Variants in UBE2L3 observed in about 807,000 individuals in gnomAD.
UBE2L3 encodes the protein ubiquitin conjugating enzyme E2 L3.
A neutral mutation model predicts 17.8 loss-of-function variants in UBE2L3; 1 was observed. That is an observed-to-expected ratio of 0.06 (90% CI 0.02 to 0.27). The LOEUF (loss-of-function observed/expected upper bound fraction) is 0.27. UBE2L3 is among the 10% of genes least tolerant of loss of function. The pLI, the probability that UBE2L3 is intolerant of heterozygous loss-of-function variation, is 1.00. For synonymous variants in UBE2L3, 44 were observed against 68.5 expected (o/e 0.64, Z 1.76); for missense variants, 40 against 192.6 (o/e 0.21, Z 4.69).
At chr22:21,619,091 ATT>A (rs1929922608) in intron 3 of UBE2L3, among the ~76,000 whole-genome samples, 1 of 152,100 alleles carries the variant, frequency 6.6e-6, no homozygotes, top group Non-Finnish European at 1.5e-5. Context: ...GGAGCCACCT[ATT>A]TGTGCTCTTA....
intron 2 of UBE2L3, among the ~76,000 whole-genome samples, chr22:21,595,917 A>G (rs1046429850): frequency 2.0e-5 from 3 of 151,302 alleles, no homozygotes; most frequent in East Asian, 1.9e-4. Context: ...CTCTGTCGCT[A>G]TGCAGTGGCA....
rs1930105611 is a variant in UBE2L3, at chr22:21,622,754, C to G, written c.*1085C>G. The G allele has an allele frequency of 6.5e-6, 1 of 152,812 alleles. No homozygotes were observed. The highest frequency in any genetic ancestry group is 2.1e-4 in the South Asian group (1 of 4,824). 9.5% of individuals were successfully genotyped at this position (152,812 alleles called of 1,614,324 possible). A position where few individuals can be genotyped will look rare whatever the true frequency, so the allele number is the denominator to read the frequency against. ...CTGGGGTCGCCTGGGCCCCTGCTGA[C>G]CCCCTCCTCCAGAGCAGCCAGCCCA... is the stretch of plus-strand genomic sequence containing the variant. On this transcript the variant is annotated 3_prime_UTR_variant, in exon 4 of 4. Transcript: ENST00000342192.
chr22:21,565,208 TC>T (rs1926584773), upstream of UBE2L3, among the ~76,000 whole-genome samples: 1 of 151,950 alleles, frequency 6.6e-6, no homozygotes, highest in Non-Finnish European at 1.5e-5. Flanking sequence ...TTCTCCTGCC[TC>T]AGCCTCCCGA....
At chr22:21,617,144 T>TAAAAAAA in intron 3 of UBE2L3, among the ~76,000 whole-genome samples, 1 of 110,682 alleles carries the variant, frequency 9.0e-6, no homozygotes, top group African/African-American at 3.4e-5. Context: ...AACTCTGTCT[T>TAAAAAAA]AAAAAAAAAA....
chr22:21,573,168 G>A (rs1002971575), intron 1 of UBE2L3, among the ~76,000 whole-genome samples: 1 of 152,202 alleles, frequency 6.6e-6, no homozygotes, highest in Non-Finnish European at 1.5e-5. Flanking sequence ...GTGGTGTGCA[G>A]TAGAGAAGTG....
intron 2 of UBE2L3, among the ~76,000 whole-genome samples, chr22:21,600,185 C>T (rs975541374): frequency 5.9e-5 from 9 of 151,512 alleles, no homozygotes; most frequent in Non-Finnish European, 1.0e-4. Flanking sequence ...TGGTGGTGGG[C>T]GCCTGTAATC....
rs534476475 is a variant in UBE2L3 at position 21,601,177 on chromosome 22, A to G, written c.123+8221A>G. ...CAGAGCGAGACTCTTTCAAAGAAAA[A>G]TCAATCAATCAATCAATCATACTTA... On this transcript the variant is annotated intron_variant, in intron 2 of 3. Coordinates refer to ENST00000342192, the MANE Select transcript of UBE2L3 (RefSeq NM_003347.4). 2.0e-5 allele frequency among the ~76,000 whole-genome samples: 3 copies of G among 152,192 alleles called. No individual in the cohort carries two copies. In the East Asian group the frequency reaches 5.8e-4, roughly 30 times the overall value.
At chr22:21,600,169 C>T (rs1400719475) in intron 2 of UBE2L3, among the ~76,000 whole-genome samples, 3 of 151,650 alleles carry the variant, frequency 2.0e-5, no homozygotes, top group Admixed American at 6.6e-5. Context: ...AAAAATTAGC[C>T]GGGCCTGGTG....
chr22:21,579,181 G>A (rs1927492204), intron 1 of UBE2L3, among the ~76,000 whole-genome samples: 2 of 151,892 alleles, frequency 1.3e-5, no homozygotes, highest in South Asian at 4.2e-4. Context: ...AGTAGAGACG[G>A]GGGTTTCACC....
At chr22:21,599,017 T>C (rs955763174) in intron 2 of UBE2L3, among the ~76,000 whole-genome samples, 1 of 152,092 alleles carries the variant, frequency 6.6e-6, no homozygotes, top group Admixed American at 6.6e-5. Context: ...TTCTTTTGTA[T>C]TTTTAGTAGA....
chr22:21,559,984 T>C (rs1164971614), intron 1 of UBE2L3, among the ~76,000 whole-genome samples: 8 of 152,296 alleles, frequency 5.3e-5, no homozygotes, highest in Admixed American at 3.3e-4. Context: ...AGGAGGGTAG[T>C]ATGGTGCGAG....
At chr22:21,582,902 A>G (rs1342166207) in intron 1 of UBE2L3, among the ~76,000 whole-genome samples, 2 of 152,136 alleles carry the variant, frequency 1.3e-5, no homozygotes, top group African/African-American at 4.8e-5. Flanking sequence ...AAAGGTACCC[A>G]TCTTGTACTG....
At chr22:21,591,176 G>A (rs1276620061) in intron 1 of UBE2L3, among the ~76,000 whole-genome samples, 6 of 152,168 alleles carry the variant, frequency 3.9e-5, no homozygotes, top group African/African-American at 1.4e-4. Context: ...GGTGGAGAGG[G>A]GCCAGGCCAC....
chr22:21,569,374 C>T lies in UBE2L3; in HGVS notation c.27+1603C>T, dbSNP rs1215759347. Reference sequence around the variant, plus strand: ...TTGCACCACTGCACTCCAGCCAGGGCGACAGAGTGAGACTCCATGTCAAAA... The same window carrying T: ...TTGCACCACTGCACTCCAGCCAGGGTGACAGAGTGAGACTCCATGTCAAAA... On this transcript the variant is annotated intron_variant, in intron 1 of 3. Coordinates refer to ENST00000342192, the MANE Select transcript of UBE2L3 (RefSeq NM_003347.4). Among the ~76,000 whole-genome samples the T allele has an allele frequency of 3.2e-5, 4 of 124,362 alleles. No homozygotes were observed. In the Admixed American group the frequency reaches 4.0e-4, roughly 13 times the overall value. 81.6% of individuals were successfully genotyped at this position (124,362 alleles called of 152,430 possible).
chr22:21,588,853 G>A (rs982588819), intron 1 of UBE2L3, among the ~76,000 whole-genome samples: 12 of 151,794 alleles, frequency 7.9e-5, no homozygotes, highest in Admixed American at 2.0e-4. Flanking sequence ...TAGTAGAGAC[G>A]GGGTTTCACC....
At chr22:21,603,609 T>C (rs1323323092) in intron 2 of UBE2L3, among the ~76,000 whole-genome samples, 1 of 149,398 alleles carries the variant, frequency 6.7e-6, no homozygotes, top group African/African-American at 2.5e-5. Context: ...TTTGGGAGGC[T>C]GAGGCGGGCG....
intron 2 of UBE2L3, among the ~76,000 whole-genome samples, chr22:21,593,934 T>A (rs1017476191): frequency 6.6e-6 from 1 of 152,176 alleles, no homozygotes; most frequent in South Asian, 2.1e-4. Flanking sequence ...CCCTACTACT[T>A]TCGGCATCAT....
intron 3 of UBE2L3, among the ~76,000 whole-genome samples, chr22:21,612,956 C>G (rs1929581074): frequency 6.6e-6 from 1 of 152,086 alleles, no homozygotes; most frequent in African/African-American, 2.4e-5. Context: ...TTTTTCTGTA[C>G]AGATTCCTAG....
intron 1 of UBE2L3, among the ~76,000 whole-genome samples, chr22:21,557,663 C>G (rs1926285027): frequency 6.6e-6 from 1 of 152,198 alleles, no homozygotes; most frequent in South Asian, 2.1e-4. Flanking sequence ...GCTGGGAATA[C>G]AGGTGCCCGC....
Sources: gnomAD v4.1 joint callset for allele counts (sites outside exome capture counted in the v4.1 genomes callset) on GRCh38, gnomAD v4.1.1 for gene constraint, MANE v1.5 for transcripts, NCBI Gene and HGNC (gene_info 2026-07-23, HGNC 2026-07-21) for gene names.